SLC7A1: variants seen among roughly 807,000 people sequenced by gnomAD.
The protein encoded by SLC7A1 is high affinity cationic amino acid transporter 1.
A neutral mutation model predicts 53.9 loss-of-function variants in SLC7A1; 10 were observed. The ratio of observed to expected loss-of-function variants is 0.19; its 90% CI spans 0.11 to 0.31. SLC7A1 has a LOEUF of 0.31. SLC7A1 is among the 10% of genes least tolerant of loss of function. The pLI is 1.00. For synonymous variants in SLC7A1, 342 were observed against 338.7 expected (o/e 1.01, Z -0.11); for missense variants, 525 against 827.2 (o/e 0.63, Z 4.48).
chr13:29,514,955 G>T (rs3011625), intron 12 of SLC7A1, among the ~76,000 whole-genome samples: 4 of 152,158 alleles, frequency 2.6e-5, no homozygotes, highest in Admixed American at 2.0e-4. Context: ...GGGGTTTCCC[G>T]CAGGTGCTGG....
intron 1 of SLC7A1, among the ~76,000 whole-genome samples, chr13:29,582,946 T>C (rs1350221252): frequency 6.6e-6 from 1 of 152,244 alleles, no homozygotes; most frequent in Non-Finnish European, 1.5e-5. Context: ...GTAACAGTCA[T>C]AATGAACAGG....
chr13:29,539,300 CTG>C (rs1869561272), intron 2 of SLC7A1, among the ~76,000 whole-genome samples: 2 of 152,182 alleles, frequency 1.3e-5, no homozygotes, highest in Admixed American at 1.3e-4. Context: ...TTCTGGGCCT[CTG>C]TAGAACGGAA....
At chr13:29,560,847 C>T (rs954920089) in intron 1 of SLC7A1, among the ~76,000 whole-genome samples, 16 of 152,056 alleles carry the variant, frequency 1.1e-4, no homozygotes, top group African/African-American at 3.6e-4. Context: ...AGAGAAAATC[C>T]GGGCATAAAA....
In SLC7A1 at chr13:29,510,137, G is replaced by A. The variant is rs1257442096; in HGVS notation, c.*4343C>T. 6.6e-6 allele frequency: 1 copy of A among 152,574 alleles called. No individual in the cohort carries two copies. Among genetic ancestry groups the A allele is most frequent in the African/African-American group, 2.4e-5 (1 of 41,436 alleles). 9.5% of individuals were successfully genotyped at this position (152,574 alleles called of 1,614,324 possible). A position where few individuals can be genotyped will look rare whatever the true frequency, so the allele number is the denominator to read the frequency against. On this transcript the variant is annotated 3_prime_UTR_variant, in exon 13 of 13. Transcript: ENST00000380752. ...TGGCCAAGGTACTCCATCTCCTGTG[G>A]GGTTTTCAGCTGGCACTCAGCACAT... is the stretch of plus-strand genomic sequence containing the variant.
chr13:29,586,362 G>A (rs1415603237), intron 1 of SLC7A1, among the ~76,000 whole-genome samples: 1 of 152,168 alleles, frequency 6.6e-6, no homozygotes, highest in Non-Finnish European at 1.5e-5. Context: ...TATTTCTTGA[G>A]CACTATTTTA....
At position 29,519,340 on chromosome 13, in the gene SLC7A1, T is replaced by C. The variant is rs189148940; in HGVS notation, c.1292+107A>G. The C allele has an allele frequency of 3.2e-4, 211 of 661,680 alleles. 2 individuals carry two copies. The East Asian group carries it at 5.8e-3, about 18-fold the overall frequency. The allele number at this position is 661,680 out of a possible 1,614,324, so 41.0% of individuals were successfully genotyped here. ...TCCTTGGCAGCTCCCAATGGAGCTA[T>C]CACCAACCTAAAAGTTTCATTCATC... On this transcript the variant is annotated intron_variant, in intron 9 of 12. Coordinates refer to ENST00000380752, the MANE Select transcript of SLC7A1 (RefSeq NM_003045.5).
chr13:29,539,915 C>T (rs988563534), intron 2 of SLC7A1, among the ~76,000 whole-genome samples: 1 of 152,186 alleles, frequency 6.6e-6, no homozygotes, highest in Non-Finnish European at 1.5e-5. Flanking sequence ...ATTCCTACTT[C>T]CCAGGGTAGG....
At chr13:29,568,517 G>A (rs1179391543) in intron 1 of SLC7A1, among the ~76,000 whole-genome samples, 1 of 152,146 alleles carries the variant, frequency 6.6e-6, no homozygotes, top group African/African-American at 2.4e-5. Flanking sequence ...ATACACATTA[G>A]AACTCACATA....
At chr13:29,544,867 C>CGGGG (rs11305796) in intron 2 of SLC7A1, among the ~76,000 whole-genome samples, 50 of 115,556 alleles carry the variant, frequency 4.3e-4, no homozygotes, top group African/African-American at 1.5e-3. Flanking sequence ...CCTGCCTCAT[C>CGGGG]GGGGGGGGGG....
intron 1 of SLC7A1, among the ~76,000 whole-genome samples, chr13:29,591,143 T>G (rs1347627105): frequency 2.6e-5 from 4 of 152,034 alleles, no homozygotes; most frequent in African/African-American, 7.2e-5. Flanking sequence ...CACACCTAAA[T>G]CAAGGAACTG....
intron 8 of SLC7A1, among the ~76,000 whole-genome samples, chr13:29,521,869 A>G (rs1320572512): frequency 1.3e-5 from 2 of 152,164 alleles, no homozygotes; most frequent in Non-Finnish European, 2.9e-5. Flanking sequence ...TCTGGGGAAG[A>G]GGCGGCACAT....
chr13:29,545,111 G>C (rs1869856056), intron 2 of SLC7A1, among the ~76,000 whole-genome samples: 1 of 152,112 alleles, frequency 6.6e-6, no homozygotes, highest in Non-Finnish European at 1.5e-5. Context: ...CAACTTGTGA[G>C]GGTCTTTCTA....
chr13:29,577,221 T>C (rs1287704150), intron 1 of SLC7A1, among the ~76,000 whole-genome samples: 1 of 152,148 alleles, frequency 6.6e-6, no homozygotes, highest in African/African-American at 2.4e-5. Context: ...CCAGCCACTT[T>C]GTTGGTGAAG....
At chr13:29,519,636 C>T in intron 8 of SLC7A1, 87 bp from the exon 9 acceptor site, 1 of 784,436 alleles carries the variant, frequency 1.3e-6, no homozygotes, top group Non-Finnish European at 2.1e-6. Context: ...CCATCCAGGG[C>T]AGCGAAGGGG....
chr13:29,544,875 G>T lies in SLC7A1; in HGVS notation c.-14-8673C>A, dbSNP rs567121723. On this transcript the variant is annotated intron_variant, in intron 2 of 12. Transcript: ENST00000380752. ...CATCGCACCTGCCTCATCGGGGGGGGGGGGCAAGCTCTTCCCACTGACTCA... is the reference window on the plus strand; with the variant it reads ...CATCGCACCTGCCTCATCGGGGGGGTGGGGCAAGCTCTTCCCACTGACTCA... Among the ~76,000 whole-genome samples, 5 of 151,072 alleles carry T rather than the reference G, an allele frequency of 3.3e-5. 1 individual carries two copies. The highest frequency in any genetic ancestry group is 1.2e-4 in the African/African-American group (5 of 40,866).
At chr13:29,573,063 G>A (rs1460187536) in intron 1 of SLC7A1, among the ~76,000 whole-genome samples, 8 of 152,116 alleles carry the variant, frequency 5.3e-5, no homozygotes, top group African/African-American at 9.7e-5. Flanking sequence ...ATAATGTCAC[G>A]AAACATGAAA....
chr13:29,575,139 T>C (rs1436249240), intron 1 of SLC7A1, among the ~76,000 whole-genome samples: 1 of 152,208 alleles, frequency 6.6e-6, no homozygotes, highest in African/African-American at 2.4e-5. Context: ...CTCAAGCTAA[T>C]CTTGTTCAGA....
At chr13:29,589,123 T>C (rs1437914092) in intron 1 of SLC7A1, among the ~76,000 whole-genome samples, 2 of 152,176 alleles carry the variant, frequency 1.3e-5, no homozygotes, top group East Asian at 3.9e-4. Context: ...CCAGCCTCTC[T>C]GAGAGTGTTA....
chr13:29,517,881 C>T, intron 9 of SLC7A1, 91 bp from the exon 10 acceptor site: 1 of 924,966 alleles, frequency 1.1e-6, no homozygotes, highest in Non-Finnish European at 1.8e-6. Context: ...CCAAAGTGAG[C>T]TGCCCGGGAC....
Sources: gnomAD v4.1 joint callset for allele counts (sites outside exome capture counted in the v4.1 genomes callset) on GRCh38, gnomAD v4.1.1 for gene constraint, MANE v1.5 for transcripts, NCBI Gene and HGNC (gene_info 2026-07-23, HGNC 2026-07-21) for gene names.